TRAK1: variants seen among roughly 807,000 people sequenced by gnomAD.
The protein encoded by TRAK1 is trafficking kinesin-binding protein 1.
In TRAK1, 33 loss-of-function variants were observed where a neutral mutation model predicts 92.1. That is an observed-to-expected ratio of 0.36 (90% CI 0.27 to 0.48). TRAK1 has a LOEUF of 0.48. TRAK1 is among the 20% of genes least tolerant of loss of function. TRAK1 has a pLI of 0.99. For synonymous variants in TRAK1, 521 were observed against 517.3 expected, an observed-to-expected ratio of 1.01 and a Z score of -0.10; for missense variants, 1,123 against 1,257.9, an observed-to-expected ratio of 0.89 and a Z score of 1.62.
At chr3:42,219,659 C>A in intron 15 of TRAK1, 63 bp downstream of exon 15, 5 of 1,584,792 alleles carry the variant, frequency 3.2e-6, no homozygotes, top group Non-Finnish European at 4.3e-6. Context: ...CCCTTCCCTG[C>A]AAGGCTTAAT....
In TRAK1 at chr3:42,129,006, A is replaced by G. The variant is rs570677975; in HGVS notation, c.286+3392A>G. On this transcript the variant is annotated intron_variant, in intron 2 of 15. Transcript: ENST00000327628. ...CTTTTTTTGTCGTTGTTAATATCCC[A>G]GAGTTTTTCAAGTTTTAGATGGAAT... Among the ~76,000 whole-genome samples, 7 of 152,338 alleles carry G rather than the reference A, an allele frequency of 4.6e-5. No individual in the cohort carries two copies. The South Asian group carries it at 1.4e-3, about 32-fold the overall frequency.
chr3:42,188,708 A>G (rs1206528964), intron 5 of TRAK1, among the ~76,000 whole-genome samples: 2 of 152,254 alleles, frequency 1.3e-5, no homozygotes, highest in East Asian at 3.8e-4. Flanking sequence ...GTTAAAACAT[A>G]CAGAGTACTT....
chr3:42,153,634 A>G (rs553129566), intron 2 of TRAK1, among the ~76,000 whole-genome samples: 8 of 152,324 alleles, frequency 5.3e-5, no homozygotes, highest in African/African-American at 1.4e-4. Flanking sequence ...TTCTTACTCT[A>G]TAATGAAGAT....
chr3:42,053,974 C>T (rs1703091154), intron 1 of TRAK1, among the ~76,000 whole-genome samples: 1 of 152,148 alleles, frequency 6.6e-6, no homozygotes, highest in Non-Finnish European at 1.5e-5. Flanking sequence ...TTTCTCTAAA[C>T]ACTCTGACTC....
At chr3:42,026,276 A>T (rs1701911950) in intron 1 of TRAK1, among the ~76,000 whole-genome samples, 1 of 152,198 alleles carries the variant, frequency 6.6e-6, no homozygotes, top group African/African-American at 2.4e-5. Flanking sequence ...GGTAAGTCTC[A>T]GGGTGATCAT....
At chr3:42,177,465 G>A (rs888242181) in intron 3 of TRAK1, among the ~76,000 whole-genome samples, 4 of 152,202 alleles carry the variant, frequency 2.6e-5, no homozygotes, top group Non-Finnish European at 5.9e-5. Flanking sequence ...ATGTGTATGT[G>A]CATGCCTGGA....
chr3:42,047,357 G>A (rs1416329595), intron 1 of TRAK1, among the ~76,000 whole-genome samples: 5 of 149,278 alleles, frequency 3.3e-5, no homozygotes, highest in African/African-American at 7.6e-5. Flanking sequence ...CACTGTGCCC[G>A]GGTGATTTTT....
chr3:42,198,675 A>G (rs539260933), intron 10 of TRAK1, among the ~76,000 whole-genome samples: 8 of 152,230 alleles, frequency 5.3e-5, no homozygotes, highest in African/African-American at 1.9e-4. Context: ...CCCTTGGTCT[A>G]TTCTTGGTGT....
intron 1 of TRAK1, among the ~76,000 whole-genome samples, chr3:42,068,218 G>T (rs2148934021): frequency 6.6e-6 from 1 of 152,166 alleles, no homozygotes; most frequent in Admixed American, 6.5e-5. Flanking sequence ...AGCAGCAGTG[G>T]TGTGATCATA....
intron 2 of TRAK1, among the ~76,000 whole-genome samples, chr3:42,127,558 C>G (rs1391280899): frequency 6.6e-6 from 1 of 151,734 alleles, no homozygotes; most frequent in Non-Finnish European, 1.5e-5. Flanking sequence ...ATGGGGTCTC[C>G]CTATGTTGCC....
intron 2 of TRAK1, among the ~76,000 whole-genome samples, chr3:42,166,989 A>G (rs1701952555): frequency 6.6e-6 from 1 of 152,232 alleles, no homozygotes; most frequent in Non-Finnish European, 1.5e-5. Flanking sequence ...AAGAACAAGG[A>G]GATGGGGAGT....
intron 1 of TRAK1, among the ~76,000 whole-genome samples, chr3:42,045,734 C>A (rs1181121867): frequency 6.6e-6 from 1 of 152,138 alleles, no homozygotes; most frequent in South Asian, 2.1e-4. Flanking sequence ...TGGTTGGGAT[C>A]CAGGACCCAG....
chr3:42,080,159 G>A (rs1704363240), intron 1 of TRAK1, among the ~76,000 whole-genome samples: 1 of 152,186 alleles, frequency 6.6e-6, no homozygotes, highest in African/African-American at 2.4e-5. Flanking sequence ...GTTGAGGGTA[G>A]CGGGGAGAAA....
chr3:42,088,181 A>G (rs1274202186), upstream of TRAK1, among the ~76,000 whole-genome samples: 2 of 152,182 alleles, frequency 1.3e-5, no homozygotes, highest in African/African-American at 2.4e-5. Context: ...GCCTGATGAC[A>G]GCTTAATATA....
chr3:42,192,243 C>T (rs1442990609), intron 7 of TRAK1, among the ~76,000 whole-genome samples: 3 of 152,116 alleles, frequency 2.0e-5, no homozygotes, highest in Non-Finnish European at 2.9e-5. Flanking sequence ...GGCCCAGCTA[C>T]AGAAAACTGT....
chr3:42,029,060 C>G (rs1702019031), intron 1 of TRAK1, among the ~76,000 whole-genome samples: 1 of 151,976 alleles, frequency 6.6e-6, no homozygotes. Context: ...AAAGGGGGAG[C>G]CAGCACTTCA....
intron 1 of TRAK1, among the ~76,000 whole-genome samples, chr3:42,022,894 C>T (rs1228547298): frequency 6.6e-6 from 1 of 151,868 alleles, no homozygotes; most frequent in Non-Finnish European, 1.5e-5. Flanking sequence ...CGCAGTGGCT[C>T]ACACCTGTAA....
intron 5 of TRAK1, 30 bp downstream of exon 5, chr3:42,188,175 G>C: frequency 6.2e-7 from 1 of 1,608,730 alleles, no homozygotes; most frequent in South Asian, 1.1e-5. Context: ...TATTTCTGGA[G>C]GCCAGAGCAC....
intron 1 of TRAK1, among the ~76,000 whole-genome samples, chr3:42,049,251 C>T (rs143054559): frequency 2.2e-3 from 341 of 152,218 alleles, no homozygotes; most frequent in African/African-American, 8.0e-3. Flanking sequence ...AATAATTTTC[C>T]CTCATAGTTC....
Sources: allele counts gnomAD v4.1 joint callset (sites outside exome capture counted in the v4.1 genomes callset), GRCh38; gene constraint gnomAD v4.1.1; transcripts MANE v1.5; gene names NCBI Gene and HGNC (gene_info 2026-07-23, HGNC 2026-07-21).